ERBB4: variants seen among roughly 807,000 people sequenced by gnomAD.
ERBB4 encodes the protein receptor tyrosine-protein kinase erbB-4.
In ERBB4, 42 loss-of-function variants were observed where a neutral mutation model predicts 158.0. The ratio of observed to expected loss-of-function variants is 0.27; its 90% CI spans 0.21 to 0.34. The LOEUF is 0.34. Among genes scored for constraint, ERBB4 ranks in the 10% least tolerant of loss-of-function variants. The pLI, the probability that ERBB4 is intolerant of heterozygous loss-of-function variation, is 1.00. For missense variants in ERBB4, 1,333 were observed against 1,624.1 expected (o/e 0.82, Z 3.08); for synonymous variants, 583 against 558.7 (o/e 1.04, Z -0.61).
intron 1 of ERBB4, among the ~76,000 whole-genome samples, chr2:212,220,538 G>C (rs2083260688): frequency 6.6e-6 from 1 of 151,396 alleles, no homozygotes; most frequent in Non-Finnish European, 1.5e-5. Context: ...AAGACCTCTT[G>C]TTCCTGGGAT....
intron 1 of ERBB4, among the ~76,000 whole-genome samples, chr2:212,480,847 TAGC>T (rs1395416455): frequency 6.6e-6 from 1 of 152,236 alleles, no homozygotes; most frequent in African/African-American, 2.4e-5. Context: ...ATTATGCACT[TAGC>T]AGCTAATAAC....
chr2:211,951,763 A>G (rs1335019855), intron 2 of ERBB4, among the ~76,000 whole-genome samples: 1 of 152,058 alleles, frequency 6.6e-6, no homozygotes, highest in African/African-American at 2.4e-5. Context: ...CATTCTGTTT[A>G]TTACCCTCTG....
intron 2 of ERBB4, among the ~76,000 whole-genome samples, chr2:212,104,424 T>C (rs1208717990): frequency 6.6e-6 from 1 of 152,082 alleles, no homozygotes; most frequent in East Asian, 1.9e-4. Flanking sequence ...TAAATTAAAT[T>C]AGAATTACAC....
chr2:212,190,432 G>A (rs2082153374), intron 1 of ERBB4, among the ~76,000 whole-genome samples: 1 of 152,048 alleles, frequency 6.6e-6, no homozygotes, highest in Admixed American at 6.5e-5. Context: ...AGCTACTCGG[G>A]AGGCTGAGGC....
At chr2:212,315,353 C>G (rs4404216) in intron 1 of ERBB4, among the ~76,000 whole-genome samples, 107,536 of 151,102 alleles carry the variant, frequency 0.71, 41,032 homozygotes, top group Non-Finnish European at 0.85. Context: ...GAATCCAACA[C>G]GTGGCTTGTG....
chr2:211,572,114 T>A (rs932524191), intron 19 of ERBB4, among the ~76,000 whole-genome samples: 1 of 152,224 alleles, frequency 6.6e-6, no homozygotes, highest in Non-Finnish European at 1.5e-5. Context: ...CTTTTCATTC[T>A]GACTCCTACT....
At chr2:212,040,029 G>A (rs564957668) in intron 2 of ERBB4, among the ~76,000 whole-genome samples, 7 of 149,678 alleles carry the variant, frequency 4.7e-5, no homozygotes, top group Admixed American at 1.3e-4. Context: ...TTTTTTTTTA[G>A]TTCAGGTATT....
At chr2:211,813,607 A>G (rs1460036640) in intron 3 of ERBB4, among the ~76,000 whole-genome samples, 1 of 152,090 alleles carries the variant, frequency 6.6e-6, no homozygotes, top group Non-Finnish European at 1.5e-5. Context: ...TTTAAATAAC[A>G]CTTTTTTTCT....
chr2:211,959,784 C>G, intron 2 of ERBB4, among the ~76,000 whole-genome samples: 1 of 152,024 alleles, frequency 6.6e-6, no homozygotes, highest in Non-Finnish European at 1.5e-5. Flanking sequence ...GTAGTATATT[C>G]AAAGCTATTC....
chr2:211,418,205 T>G (rs994321339), intron 25 of ERBB4, among the ~76,000 whole-genome samples: 17 of 151,840 alleles, frequency 1.1e-4, no homozygotes, highest in Admixed American at 3.3e-4. Context: ...TGGTAGTAAT[T>G]TGTTTTCTAA....
chr2:211,758,762 ACC>A (rs1294800740), intron 4 of ERBB4, among the ~76,000 whole-genome samples: 2 of 152,202 alleles, frequency 1.3e-5, no homozygotes, highest in Admixed American at 1.3e-4. Context: ...CTACATGATA[ACC>A]CTTGGAGGTG....
chr2:211,634,669 G>A lies in ERBB4; in HGVS notation c.1947-4075C>T, dbSNP rs146605966. 4.3e-3 allele frequency among the ~76,000 whole-genome samples: 659 copies of A among 152,016 alleles called. 3 individuals carry two copies. The highest frequency in any genetic ancestry group is 0.015 in the African/African-American group (640 of 41,494). On this transcript the variant is annotated intron_variant, in intron 16 of 27. Transcript: ENST00000342788. ...AACCAACCTGTTTCTGAGCGTGAAT[G>A]TGATTTATTTTATTTTTATTTTTTA... is the stretch of plus-strand genomic sequence containing the variant.
chr2:212,245,049 A>G (rs1216579539), intron 1 of ERBB4, among the ~76,000 whole-genome samples: 1 of 152,184 alleles, frequency 6.6e-6, no homozygotes, highest in African/African-American at 2.4e-5. Context: ...TTGTAGAACC[A>G]TAAAAAAACT....
intron 2 of ERBB4, among the ~76,000 whole-genome samples, chr2:212,060,321 A>T (rs1461679754): frequency 2.0e-5 from 3 of 151,868 alleles, no homozygotes; most frequent in African/African-American, 7.2e-5. Context: ...CAGGTGCTGG[A>T]GAGGATGTGG....
At chr2:212,048,793 G>A (rs571350715) in intron 2 of ERBB4, among the ~76,000 whole-genome samples, 7 of 152,276 alleles carry the variant, frequency 4.6e-5, no homozygotes, top group South Asian at 2.1e-4. Flanking sequence ...GAGCACATAC[G>A]TAGTATTTAA....
intron 2 of ERBB4, among the ~76,000 whole-genome samples, chr2:212,105,329 T>C (rs1397658479): frequency 6.6e-6 from 1 of 152,204 alleles, no homozygotes; most frequent in Non-Finnish European, 1.5e-5. Context: ...ATGTAGAAAA[T>C]AGTTTACATA....
intron 1 of ERBB4, among the ~76,000 whole-genome samples, chr2:212,353,293 T>C (rs1458569830): frequency 1.3e-5 from 2 of 151,512 alleles, no homozygotes; most frequent in Non-Finnish European, 1.5e-5. Flanking sequence ...TGTATCATTA[T>C]ACAAATTATT....
chr2:211,829,040 C>T (rs2077164420), intron 3 of ERBB4, among the ~76,000 whole-genome samples: 1 of 152,142 alleles, frequency 6.6e-6, no homozygotes, highest in African/African-American at 2.4e-5. Context: ...GTTCATGAAG[C>T]ATTCTCATAT....
intron 20 of ERBB4, among the ~76,000 whole-genome samples, chr2:211,511,661 T>C (rs750995093): frequency 6.6e-6 from 1 of 152,070 alleles, no homozygotes; most frequent in Non-Finnish European, 1.5e-5. Flanking sequence ...GCCAGTTCAA[T>C]TTCAGAATCC....
Sources: gnomAD v4.1 joint callset for allele counts (sites outside exome capture counted in the v4.1 genomes callset) on GRCh38, gnomAD v4.1.1 for gene constraint, MANE v1.5 for transcripts, NCBI Gene and HGNC (gene_info 2026-07-23, HGNC 2026-07-21) for gene names.